The following DNMT1 variants were observed in gnomAD, a reference collection of about 807,000 sequenced individuals.
DNMT1 encodes DNA (cytosine-5)-methyltransferase 1.
In DNMT1, 24 loss-of-function variants were observed where a neutral mutation model predicts 205.3. That is an observed-to-expected ratio of 0.12 (90% CI 0.08 to 0.16). The LOEUF (loss-of-function observed/expected upper bound fraction) is 0.16. DNMT1 is among the 10% of genes least tolerant of loss of function. The probability of loss-of-function intolerance (pLI) is 1.00; values close to 1 mark genes in which losing one functional copy is unlikely to be tolerated. For synonymous variants in DNMT1, 817 were observed against 839.8 expected (o/e 0.97, Z 0.47); for missense variants, 1,293 against 2,177.7 (o/e 0.59, Z 8.09).
Position 10,146,440 on chromosome 19 carries a change from G to T in DNMT1, c.2805C>A (p.Ser935Arg). 6.2e-7 allele frequency: 1 copy of T among 1,614,120 alleles called. No homozygotes were observed. Among genetic ancestry groups the T allele is most frequent in the South Asian group, 1.1e-5 (1 of 91,078 alleles). ...RVLEQLEDLD[S>R]RVLYYSATKN... ...TGGTGGCTGAGTAGTAGAGGACCCG[G>T]CTATCCAGGTCCTCGAGCTGCTCCA... Residue 935 changes from serine to arginine, a missense_variant, in exon 28 of 41, where the codon AGC (serine) becomes AGA (arginine). Ser to Arg is a moderately radical substitution (Grantham distance 110). Coordinates refer to ENST00000359526, the MANE Select transcript of DNMT1 (RefSeq NM_001130823.3). The surrounding 1 kb of genome is among the most constrained non-coding windows in gnomAD (Gnocchi z 4.4).
intron 29 of DNMT1, among the ~76,000 whole-genome samples, chr19:10,142,423 TC>T (rs1456314844): frequency 6.8e-6 from 1 of 147,700 alleles, no homozygotes; most frequent in Non-Finnish European, 1.5e-5. Context: ...CAAGGTAGAC[TC>T]CCCCCCATTT....
chr19:10,159,586 C>T lies in DNMT1; in HGVS notation c.1280+72G>A, dbSNP rs1301092467. Reference sequence around the variant, plus strand: ...AGGCACTAAAAAACATCACCAGAATCGTGAGCCCGCAGGCACCTCTGGGGA... The same window carrying T: ...AGGCACTAAAAAACATCACCAGAATTGTGAGCCCGCAGGCACCTCTGGGGA... On this transcript the variant is annotated intron_variant, in intron 17 of 40. Coordinates refer to ENST00000359526, the MANE Select transcript of DNMT1 (RefSeq NM_001130823.3). The surrounding 1 kb of genome is among the most constrained non-coding windows in gnomAD (Gnocchi z 5.0). 7 of 1,461,300 alleles carry T rather than the reference C, an allele frequency of 4.8e-6. No homozygotes were observed. Among genetic ancestry groups the T allele is most frequent in the South Asian group, 1.2e-5 (1 of 86,850 alleles). 90.5% of individuals were successfully genotyped at this position (1,461,300 alleles called of 1,614,324 possible). A position where few individuals can be genotyped will look rare whatever the true frequency, so the allele number is the denominator to read the frequency against.
chr19:10,138,356 G>A lies in DNMT1; in HGVS notation c.4115+83C>T. On this transcript the variant is annotated intron_variant, in intron 35 of 40. Coordinates refer to ENST00000359526, the MANE Select transcript of DNMT1 (RefSeq NM_001130823.3). The surrounding 1 kb of genome is among the most constrained non-coding windows in gnomAD (Gnocchi z 4.1). ...TGCTGTACCATCCTCTCCTCCCCAA[G>A]CCTCACCAGGGAGTACTCACGGGCC... The A allele has an allele frequency of 6.2e-7, 1 of 1,600,642 alleles. No individual in the cohort carries two copies. Among genetic ancestry groups the A allele is most frequent in the Non-Finnish European group, 8.5e-7 (1 of 1,173,098 alleles).
chr19:10,137,331 G>A lies in DNMT1; in HGVS notation c.4294-51C>T, dbSNP rs1026801149. Reference sequence around the variant, plus strand: ...GTCACCTCATGTGAGCAGCATCCGAGCATCCATGGTGGGCTGGGAGCTGGG... The same window carrying A: ...GTCACCTCATGTGAGCAGCATCCGAACATCCATGGTGGGCTGGGAGCTGGG... On this transcript the variant is annotated intron_variant, in intron 36 of 40. Transcript: ENST00000359526. This position sits in a 1 kb window ranked among gnomAD's most constrained non-coding sequence, Gnocchi z 6.4. 3.2e-6 allele frequency: 5 copies of A among 1,558,302 alleles called. No homozygotes were observed. The African/African-American group carries it at 6.8e-5, about 21-fold the overall frequency.
intron 10 of DNMT1, among the ~76,000 whole-genome samples, chr19:10,167,222 G>A (rs1441825530): frequency 2.0e-5 from 3 of 151,224 alleles, no homozygotes; most frequent in African/African-American, 4.9e-5. Context: ...TTGAGGCAGA[G>A]TCTCGCTCTA....
In DNMT1 at chr19:10,151,365, G is replaced by A. The variant is rs771273424; in HGVS notation, c.2265+33C>T. 7 of 1,609,000 alleles carry A rather than the reference G, an allele frequency of 4.4e-6. No homozygotes were observed. The highest frequency in any genetic ancestry group is 2.2e-5 in the South Asian group (2 of 91,030). ...GGGCAACCTGCTTATTGGGAACATG[G>A]CAGTGAGCTGACCAAGGGGCTCCAA... On this transcript the variant is annotated intron_variant, in intron 24 of 40. Coordinates refer to ENST00000359526, the MANE Select transcript of DNMT1 (RefSeq NM_001130823.3). The surrounding 1 kb of genome is among the most constrained non-coding windows in gnomAD (Gnocchi z 5.0).
At chr19:10,157,651 G>A (rs2038485155) in intron 17 of DNMT1, among the ~76,000 whole-genome samples, 1 of 152,152 alleles carries the variant, frequency 6.6e-6, no homozygotes, top group Non-Finnish European at 1.5e-5. Context: ...TTAGTGCCTT[G>A]GAAGCCAGAA....
rs545615552 is a variant in DNMT1 at position 10,140,861 on chromosome 19, A to G, written c.3443T>C (p.Ile1148Thr). 2 of 1,614,144 alleles carry G rather than the reference A, an allele frequency of 1.2e-6. No homozygotes were observed. The highest frequency in any genetic ancestry group is 2.2e-5 in the East Asian group (1 of 44,880). Reference protein sequence around the residue: ...SQACEPSEPEIEIKLPKLRTL... With the variant: ...SQACEPSEPETEIKLPKLRTL... ...CCGCAGCTTGGGCAGCTTGATCTCT[A>G]TCTCTGGCTCGCTCGGCTCACAGGC... is the stretch of plus-strand genomic sequence containing the variant. The change falls in exon 32 of 41, where the codon ATA becomes ACA. Residue 1148 changes from isoleucine (I) to threonine (T), a missense_variant. This residue lies in a region of DNMT1 where 167 missense variants were observed against 258.1 expected (regional missense o/e 0.65). Transcript: ENST00000359526. This position sits in a 1 kb window ranked among gnomAD's most constrained non-coding sequence, Gnocchi z 8.4.
At chr19:10,189,604 G>C (rs977534873) in intron 1 of DNMT1, among the ~76,000 whole-genome samples, 1 of 149,366 alleles carries the variant, frequency 6.7e-6, no homozygotes, top group Admixed American at 6.7e-5. Context: ...TTTTTGAGAT[G>C]GGGGGGGTCT....
Position 10,151,424 on chromosome 19 carries a change from T to C in DNMT1, c.2239A>G (p.Ile747Val). Residue 747 changes from isoleucine to valine, a missense_variant, in exon 24 of 41, where the codon ATC becomes GTC. Physicochemically the swap from Ile to Val is conservative, Grantham distance 29. Coordinates refer to ENST00000359526, the MANE Select transcript of DNMT1 (RefSeq NM_001130823.3). This position sits in a 1 kb window ranked among gnomAD's most constrained non-coding sequence, Gnocchi z 5.0. ...GKKKKQNKNR[I>V]SWVGEAVKTD... ...TTGACGGCTTCTCCGACCCAAGAGATGCGATTCTTGTTCTGTTTCTTCTTC... is the reference window on the plus strand; with the variant it reads ...TTGACGGCTTCTCCGACCCAAGAGACGCGATTCTTGTTCTGTTTCTTCTTC... 1 of 1,614,002 alleles carries C rather than the reference T, an allele frequency of 6.2e-7. No homozygotes were observed. The highest frequency in any genetic ancestry group is 8.5e-7 in the Non-Finnish European group (1 of 1,180,008).
At chr19:10,193,664 T>G (rs2039344352) in intron 1 of DNMT1, among the ~76,000 whole-genome samples, 1 of 78,812 alleles carries the variant, frequency 1.3e-5, no homozygotes, top group Non-Finnish European at 2.5e-5. Flanking sequence ...CACCCAGCCT[T>G]CAAAAAAAAA....
At position 10,163,376 on chromosome 19, in the gene DNMT1, G is replaced by C; in HGVS notation, c.892-16C>G. The C allele has an allele frequency of 6.2e-7, 1 of 1,613,428 alleles. No individual in the cohort carries two copies. The highest frequency in any genetic ancestry group is 8.5e-7 in the Non-Finnish European group (1 of 1,179,528). On this transcript the variant is annotated splice_polypyrimidine_tract_variant and intron_variant, in intron 11 of 40. Transcript: ENST00000359526. ...TCTTCTCATCCTGACAGAAAAATAA[G>C]GGGGAGGTAGAGAGATAAAGAAGGG... is the stretch of plus-strand genomic sequence containing the variant.
intron 5 of DNMT1, among the ~76,000 whole-genome samples, chr19:10,177,665 T>C (rs529486652): frequency 2.2e-4 from 33 of 152,122 alleles, no homozygotes; most frequent in African/African-American, 7.7e-4. Flanking sequence ...GCACAGTGGC[T>C]CACATCTATA....
chr19:10,185,843 GAAAAAAAAA>G lies in DNMT1; in HGVS notation c.81-3775_81-3767del, dbSNP rs57377594. Among the ~76,000 whole-genome samples the G allele has an allele frequency of 1.8e-4, 13 of 70,758 alleles. No individual in the cohort carries two copies. The East Asian group carries it at 2.7e-3, about 15-fold the overall frequency. The allele number at this position is 70,758 out of a possible 152,430, so 46.4% of individuals were successfully genotyped here. The stretch of plus-strand genomic sequence containing the variant: ...AACAGAACAAGACCCTGTCTCAAAA[GAAAAAAAAA>G]AAAAAAAAAAGATGCTTTGACATCA... On this transcript the variant is annotated intron_variant, in intron 1 of 40. Transcript: ENST00000359526.
Position 10,182,174 on chromosome 19 carries a change from A to G in DNMT1, c.81-97T>C, listed in dbSNP as rs374152257. ...AGTTCTAAAGAAGTTTTGGACACAA[A>G]CAAGTTTAACATATGAGTGTTAGAA... is the stretch of plus-strand genomic sequence containing the variant. On this transcript the variant is annotated intron_variant, in intron 1 of 40. Coordinates refer to ENST00000359526, the MANE Select transcript of DNMT1 (RefSeq NM_001130823.3). The G allele has an allele frequency of 1.9e-4, 248 of 1,278,640 alleles. 1 individual carries two copies. In the East Asian group the frequency reaches 3.9e-3, roughly 20 times the overall value. The allele number at this position is 1,278,640 out of a possible 1,614,324, so 79.2% of individuals were successfully genotyped here.
At chr19:10,136,538 C>T (rs886619004) in intron 37 of DNMT1, among the ~76,000 whole-genome samples, 6 of 151,348 alleles carry the variant, frequency 4.0e-5, no homozygotes, top group African/African-American at 9.7e-5. Context: ...GGGGTTCAAG[C>T]GATTCTCCTG....
At position 10,162,719 on chromosome 19, in the gene DNMT1, T is replaced by C. The variant is rs2038599386; in HGVS notation, c.956A>G (p.Glu319Gly). ...LAAKRRPEEK[E>G]PEKVNPQISD... ...AATCTGTGGATTTACTTTTTCAGGT[T>C]CTTTTTCTTCGGGCCTCCGTTTGGC... The change falls in exon 13 of 41, where the codon GAA (glutamate) becomes GGA (glycine). Residue 319 changes from glutamate to glycine, a missense_variant. Coordinates refer to ENST00000359526, the MANE Select transcript of DNMT1 (RefSeq NM_001130823.3). 1 of 1,613,980 alleles carries C rather than the reference T, an allele frequency of 6.2e-7. No individual in the cohort carries two copies. Among genetic ancestry groups the C allele is most frequent in the South Asian group, 1.1e-5 (1 of 91,082 alleles).
At chr19:10,177,133 C>G (rs569706191) in intron 6 of DNMT1, among the ~76,000 whole-genome samples, 159 bp downstream of exon 6, 1 of 152,022 alleles carries the variant, frequency 6.6e-6, no homozygotes, top group Admixed American at 6.6e-5. Context: ...AAACAGGTAA[C>G]GTTTTCAGAA....
chr19:10,165,979 T>C (rs534381010), intron 11 of DNMT1, among the ~76,000 whole-genome samples: 15 of 152,230 alleles, frequency 9.9e-5, no homozygotes, highest in African/African-American at 3.4e-4. Context: ...CTCTAGATTG[T>C]AACAGGCAGA....
Sources: gnomAD v4.1 joint callset for allele counts (sites outside exome capture counted in the v4.1 genomes callset) on GRCh38, gnomAD v4.1.1 for gene constraint, gnomAD v4.1.1 regional missense constraint, Gnocchi (gnomAD v3.1) non-coding constraint, MANE v1.5 for transcripts, NCBI Gene and HGNC (gene_info 2026-07-23, HGNC 2026-07-21) for gene names.